The following GAS7 variants were observed in gnomAD, a reference collection of about 807,000 sequenced individuals.
GAS7 encodes growth arrest-specific protein 7.
Under a neutral mutation model 71.1 loss-of-function variants are expected in GAS7, and 28 were observed. That is an observed-to-expected ratio of 0.39 (90% CI 0.29 to 0.54). GAS7 has a LOEUF of 0.54. GAS7 is among the 20% of genes least tolerant of loss of function. The pLI is 0.62. For missense variants in GAS7, 436 were observed against 627.8 expected, an observed-to-expected ratio of 0.69 and a Z score of 3.27; for synonymous variants, 258 against 245.8, an observed-to-expected ratio of 1.05 and a Z score of -0.46.
At chr17:10,155,996 A>G (rs1372798895) in intron 1 of GAS7, among the ~76,000 whole-genome samples, 2 of 152,138 alleles carry the variant, frequency 1.3e-5, no homozygotes, top group Non-Finnish European at 2.9e-5. Flanking sequence ...AAGGGAATAC[A>G]TTCTCTTCCA....
intron 5 of GAS7, among the ~76,000 whole-genome samples, chr17:9,957,970 C>T (rs1313518174): frequency 6.6e-6 from 1 of 152,220 alleles, no homozygotes; most frequent in Non-Finnish European, 1.5e-5. Flanking sequence ...CTCTGTGCCT[C>T]AGTTTCCTCA....
chr17:10,161,443 CAGA>C (rs1168505548), intron 1 of GAS7, among the ~76,000 whole-genome samples: 1 of 152,178 alleles, frequency 6.6e-6, no homozygotes, highest in Non-Finnish European at 1.5e-5. Context: ...GTGTCGTTAC[CAGA>C]AGAAGGAGAA....
chr17:10,126,138 G>A (rs528781850), intron 1 of GAS7, among the ~76,000 whole-genome samples: 184 of 152,318 alleles, frequency 1.2e-3, no homozygotes, highest in African/African-American at 4.3e-3. Flanking sequence ...CTCCAGCAGT[G>A]ATTGTCCCAG....
intron 12 of GAS7, among the ~76,000 whole-genome samples, chr17:9,918,630 A>G (rs1281891939): frequency 1.3e-5 from 2 of 152,198 alleles, no homozygotes; most frequent in African/African-American, 2.4e-5. Context: ...GCCTCTGCTG[A>G]GCAGCCTCCC....
chr17:9,975,252 G>A (rs1471097257), intron 3 of GAS7, among the ~76,000 whole-genome samples: 1 of 152,184 alleles, frequency 6.6e-6, no homozygotes, highest in Non-Finnish European at 1.5e-5. Flanking sequence ...CTGCTTGGGA[G>A]GCTGTGGCAG....
chr17:10,036,021 TG>T (rs1409840547), intron 1 of GAS7, among the ~76,000 whole-genome samples: 1 of 152,182 alleles, frequency 6.6e-6, no homozygotes, highest in African/African-American at 2.4e-5. Context: ...GTTTCTTACT[TG>T]GAAAAAGTTA....
At chr17:9,982,824 G>GGAAGAAA (rs2070468196) in intron 2 of GAS7, among the ~76,000 whole-genome samples, 1 of 116,186 alleles carries the variant, frequency 8.6e-6, no homozygotes, top group Non-Finnish European at 1.7e-5. Context: ...AGGAAAGAAA[G>GGAAGAAA]GAAAGAAAGA....
chr17:10,110,381 A>G (rs1394920693), intron 1 of GAS7, among the ~76,000 whole-genome samples: 1 of 152,202 alleles, frequency 6.6e-6, no homozygotes, highest in African/African-American at 2.4e-5. Flanking sequence ...AGTTAACTAG[A>G]GGCTAGGAAG....
chr17:10,180,547 G>A (rs775460203), intron 1 of GAS7, among the ~76,000 whole-genome samples: 19 of 151,996 alleles, frequency 1.3e-4, no homozygotes, highest in Admixed American at 7.9e-4. Context: ...AAGGGAGGCC[G>A]ATTTCTTCAA....
chr17:9,923,862 C>T (rs752967913), intron 11 of GAS7, among the ~76,000 whole-genome samples: 2 of 152,196 alleles, frequency 1.3e-5, no homozygotes, highest in Non-Finnish European at 2.9e-5. Context: ...CTGAAACAAT[C>T]TAAGAGTCCT....
At chr17:10,052,121 T>C (rs2073070581) in intron 1 of GAS7, among the ~76,000 whole-genome samples, 1 of 152,004 alleles carries the variant, frequency 6.6e-6, no homozygotes, top group South Asian at 2.1e-4. Context: ...GATTCCTCCA[T>C]TTACAATCAT....
chr17:10,172,211 C>T (rs2074340547), intron 1 of GAS7, among the ~76,000 whole-genome samples: 1 of 152,222 alleles, frequency 6.6e-6, no homozygotes, highest in Non-Finnish European at 1.5e-5. Context: ...GTCTCTAAAT[C>T]TAAGCCAGAT....
At chr17:10,068,816 T>C (rs1287871331) in intron 1 of GAS7, among the ~76,000 whole-genome samples, 1 of 151,828 alleles carries the variant, frequency 6.6e-6, no homozygotes, top group African/African-American at 2.4e-5. Context: ...GCAAAATCAG[T>C]GAAGGGACAC....
At chr17:10,018,429 T>C (rs1457054440) in intron 2 of GAS7, among the ~76,000 whole-genome samples, 1 of 152,226 alleles carries the variant, frequency 6.6e-6, no homozygotes. Context: ...GATGATCTCA[T>C]GATCCTACGG....
intron 1 of GAS7, among the ~76,000 whole-genome samples, chr17:10,074,994 G>A (rs776853887): frequency 1.3e-4 from 20 of 151,374 alleles, no homozygotes; most frequent in Non-Finnish European, 2.6e-4. Context: ...AAAAAGCACC[G>A]GACAAAACTC....
intron 2 of GAS7, among the ~76,000 whole-genome samples, chr17:10,005,426 T>C (rs1373981367): frequency 6.6e-6 from 1 of 151,736 alleles, no homozygotes; most frequent in Admixed American, 6.6e-5. Context: ...CCAGGCACCC[T>C]CTTTTCATCG....
intron 1 of GAS7, among the ~76,000 whole-genome samples, chr17:10,166,165 A>T (rs548166853): frequency 1.6e-4 from 25 of 152,244 alleles, no homozygotes; most frequent in Non-Finnish European, 2.8e-4. Flanking sequence ...CTGGGACTAC[A>T]GGCACACATC....
chr17:9,944,989 T>C (rs2068737941), intron 6 of GAS7, among the ~76,000 whole-genome samples: 1 of 152,050 alleles, frequency 6.6e-6, no homozygotes, highest in South Asian at 2.1e-4. Flanking sequence ...AGATTAAGTA[T>C]CAGAGTCCCC....
intron 1 of GAS7, among the ~76,000 whole-genome samples, chr17:10,047,403 G>A (rs1322083833): frequency 6.6e-6 from 1 of 152,202 alleles, no homozygotes; most frequent in Non-Finnish European, 1.5e-5. Flanking sequence ...GCAGGTAGCT[G>A]TGAGGGGAAG....
Sources: allele counts gnomAD v4.1 joint callset (sites outside exome capture counted in the v4.1 genomes callset), GRCh38; gene constraint gnomAD v4.1.1; transcripts MANE v1.5; gene names NCBI Gene and HGNC (gene_info 2026-07-23, HGNC 2026-07-21).